CA5A: variants seen among roughly 807,000 people sequenced by gnomAD.
The protein encoded by CA5A is carbonic anhydrase 5A, mitochondrial.
In CA5A, 28 loss-of-function variants were observed where a neutral mutation model predicts 37.1. The ratio of observed to expected loss-of-function variants is 0.75; its 90% confidence interval spans 0.56 to 1.03. CA5A has a LOEUF of 1.03. Among genes scored for constraint, CA5A ranks in the 50% least tolerant of loss-of-function variants. CA5A has a pLI of 0.00. For missense variants in CA5A, 444 were observed against 399.9 expected (o/e 1.11, Z -0.94); for synonymous variants, 171 against 158.4 (o/e 1.08, Z -0.60).
rs372583190 is a variant in CA5A, at chr16:87,928,959, C to T, written c.143-2014G>A. 7.4e-5 allele frequency among the ~76,000 whole-genome samples: 11 copies of T among 149,336 alleles called. No individual in the cohort carries two copies. In the South Asian group the frequency reaches 1.9e-3, roughly 26 times the overall value. ...CTTTTTTGTATTTTTTTCATAGAGA[C>T]GGGGTTTCACTGTGTTAGCCAGGAT... is the stretch of plus-strand genomic sequence containing the variant. On this transcript the variant is annotated intron_variant, in intron 1 of 6. Coordinates refer to ENST00000649794, the MANE Select transcript of CA5A (RefSeq NM_001739.2).
At chr16:87,899,365 C>T (rs1377892190) in intron 5 of CA5A, among the ~76,000 whole-genome samples, 2 of 134,412 alleles carry the variant, frequency 1.5e-5, no homozygotes, top group Non-Finnish European at 3.1e-5. Flanking sequence ...TGTAGTGGCA[C>T]AATCTGAGCT....
chr16:87,924,678 G>A (rs1331214736), intron 2 of CA5A, among the ~76,000 whole-genome samples: 1 of 152,254 alleles, frequency 6.6e-6, no homozygotes, highest in East Asian at 1.9e-4. Flanking sequence ...ACCTCCCCGT[G>A]ACAGCAGGAG....
intron 2 of CA5A, among the ~76,000 whole-genome samples, chr16:87,920,464 C>T (rs548800214): frequency 6.6e-6 from 1 of 152,042 alleles, no homozygotes; most frequent in East Asian, 1.9e-4. Context: ...CATGCACCAC[C>T]ACGCTCGGCT....
intron 5 of CA5A, among the ~76,000 whole-genome samples, chr16:87,899,587 G>A (rs1275653123): frequency 7.3e-5 from 11 of 150,332 alleles, no homozygotes; most frequent in Non-Finnish European, 1.0e-4. Context: ...ACAGGCGTGA[G>A]CCACCGCACC....
chr16:87,907,986 A>G (rs1161730878), intron 2 of CA5A, among the ~76,000 whole-genome samples: 1 of 152,242 alleles, frequency 6.6e-6, no homozygotes, highest in Admixed American at 6.5e-5. Flanking sequence ...CACTGTATCA[A>G]CAGGACTTAG....
At chr16:87,914,721 G>C (rs1041947558) in intron 2 of CA5A, among the ~76,000 whole-genome samples, 9 of 152,150 alleles carry the variant, frequency 5.9e-5, no homozygotes, top group African/African-American at 2.2e-4. Flanking sequence ...GGCGCAGGGC[G>C]GGAGCACCGG....
intron 2 of CA5A, among the ~76,000 whole-genome samples, chr16:87,908,790 G>C (rs2056003625): frequency 6.6e-6 from 1 of 152,060 alleles, no homozygotes. Flanking sequence ...AGCTGTCCCA[G>C]AATTCTTCTT....
chr16:87,893,519 C>T (rs1019342554), intron 5 of CA5A: 4 of 562,514 alleles, frequency 7.1e-6, no homozygotes, highest in South Asian at 5.6e-5. Flanking sequence ...GTGCCTGCCA[C>T]CCTATGCTGC....
chr16:87,894,762 G>A (rs554790252), intron 5 of CA5A, among the ~76,000 whole-genome samples: 11 of 152,066 alleles, frequency 7.2e-5, no homozygotes, highest in African/African-American at 2.2e-4. Context: ...GCCTGTCATC[G>A]CAGCTGCTCG....
At chr16:87,908,555 A>G (rs945668690) in intron 2 of CA5A, among the ~76,000 whole-genome samples, 2 of 152,210 alleles carry the variant, frequency 1.3e-5, no homozygotes, top group African/African-American at 4.8e-5. Context: ...CTGACAGCCG[A>G]TGCCTGCCGG....
intron 4 of CA5A, 45 bp from the exon 5 acceptor site, chr16:87,902,019 G>A (rs773645029): frequency 8.6e-6 from 13 of 1,509,818 alleles, no homozygotes; most frequent in African/African-American, 4.1e-5. Flanking sequence ...GGCAGTGGAT[G>A]GGGGGGGAAG....
chr16:87,921,004 G>A (rs976129875), intron 2 of CA5A, among the ~76,000 whole-genome samples: 1 of 151,936 alleles, frequency 6.6e-6, no homozygotes, highest in Non-Finnish European at 1.5e-5. Flanking sequence ...TGTTGGTCAG[G>A]CTGGTCTCGA....
chr16:87,882,311 T>C (rs1597532707), intron 4 of CA5A: 2 of 102,452 alleles, frequency 2.0e-5, no homozygotes, highest in Admixed American at 1.8e-4. Flanking sequence ...TCCTGGGTTT[T>C]AAGGTTCAGG....
intron 2 of CA5A, among the ~76,000 whole-genome samples, chr16:87,924,667 G>A (rs976197897): frequency 6.6e-6 from 1 of 152,266 alleles, no homozygotes; most frequent in African/African-American, 2.4e-5. Flanking sequence ...CAGCTGGGCA[G>A]ACCTCCCCGT....
At chr16:87,927,925 C>G (rs11117310) in intron 1 of CA5A, among the ~76,000 whole-genome samples, 33,278 of 151,814 alleles carry the variant, frequency 0.22, 3,927 homozygotes, top group African/African-American at 0.29. Context: ...ATTGCACCCC[C>G]TGGTGTGTGT....
At chr16:87,908,114 C>T (rs1197566369) in intron 2 of CA5A, among the ~76,000 whole-genome samples, 1 of 152,210 alleles carries the variant, frequency 6.6e-6, no homozygotes, top group Non-Finnish European at 1.5e-5. Flanking sequence ...CGGTAAGCAG[C>T]TCTGTGTGTT....
intron 2 of CA5A, among the ~76,000 whole-genome samples, chr16:87,905,941 C>T (rs2055954928): frequency 6.6e-6 from 1 of 152,244 alleles, no homozygotes; most frequent in Non-Finnish European, 1.5e-5. Context: ...TGGCTCTGGC[C>T]CCCAGAGTCA....
At position 87,891,862 on chromosome 16, in the gene CA5A, CG is replaced by C; in HGVS notation, c.710del (p.Pro237ArgfsTer3). On this transcript the variant is annotated frameshift_variant, in exon 6 of 7. Coordinates refer to ENST00000649794, the MANE Select transcript of CA5A (RefSeq NM_001739.2). LOFTEE classifies it high-confidence loss of function. ...YWTYAGSLTT[P>X]PLTESVTWII... ...TCCAGGTGACCGACTCGGTCAGCGG[CG>C]GGGTGGTGAGCGAGCCCGCGTAGGT... 1 of 1,579,342 alleles carries C rather than the reference CG, an allele frequency of 6.3e-7. No individual in the cohort carries two copies. Among genetic ancestry groups the C allele is most frequent in the African/African-American group, 1.4e-5 (1 of 73,014 alleles).
At chr16:87,927,224 T>C (rs1177687702) in intron 1 of CA5A, among the ~76,000 whole-genome samples, 1 of 152,238 alleles carries the variant, frequency 6.6e-6, no homozygotes, top group African/African-American at 2.4e-5. Flanking sequence ...TTTTGACTTT[T>C]GTGTTGCCCT....
Sources: allele counts gnomAD v4.1 joint callset (sites outside exome capture counted in the v4.1 genomes callset), GRCh38; gene constraint gnomAD v4.1.1; transcripts MANE v1.5; gene names NCBI Gene and HGNC (gene_info 2026-07-23, HGNC 2026-07-21).